Variants in AASS observed in about 807,000 individuals in gnomAD.
AASS encodes the protein alpha-aminoadipic semialdehyde synthase, mitochondrial.
Under a neutral mutation model 105.4 loss-of-function variants are expected in AASS, and 86 were observed. That is an observed-to-expected ratio of 0.82 (90% CI 0.69 to 0.98). The LOEUF is 0.98. AASS is among the 50% of genes least tolerant of loss of function. The pLI is 0.00. For synonymous variants in AASS, 381 were observed against 394.8 expected (o/e 0.96, Z 0.41); for missense variants, 1,048 against 1,143.2 (o/e 0.92, Z 1.20).
intron 11 of AASS, among the ~76,000 whole-genome samples, chr7:122,109,324 A>G (rs2150530666): frequency 2.0e-5 from 3 of 152,140 alleles, no homozygotes; most frequent in Admixed American, 2.0e-4. Context: ...TGAAATCACA[A>G]AAGACCCCAA....
intron 18 of AASS, among the ~76,000 whole-genome samples, chr7:122,089,200 G>C (rs80265131): frequency 0.012 from 1,866 of 152,160 alleles, 19 homozygotes; most frequent in Non-Finnish European, 0.019. Flanking sequence ...CAACAATCTG[G>C]CTTGAGAAAC....
Position 122,115,151 on chromosome 7 carries a change from G to C in AASS, c.966C>G (p.Arg322=), listed in dbSNP as rs1235192555. ...WEQNTPRLLT[R]QDAQSLLAPG... ...GAGCCAGGAGACTCTGAGCATCTTG[G>C]CGGGTTAGGAGGCGAGGAGTGTTTT... is the stretch of plus-strand genomic sequence containing the variant. The change falls in exon 9 of 24, where the codon CGC becomes CGG. Residue 322 remains arginine, a synonymous_variant. Coordinates refer to ENST00000417368, the MANE Select transcript of AASS (RefSeq NM_005763.4). The C allele has an allele frequency of 6.2e-7, 1 of 1,614,164 alleles. No individual in the cohort carries two copies. Among genetic ancestry groups the C allele is most frequent in the Non-Finnish European group, 8.5e-7 (1 of 1,180,036 alleles).
chr7:122,120,506 G>A (rs1221602954), intron 4 of AASS, among the ~76,000 whole-genome samples: 2 of 151,824 alleles, frequency 1.3e-5, no homozygotes, highest in African/African-American at 4.8e-5. Flanking sequence ...CAGAGAACCA[G>A]GTTTTGGTTT....
At chr7:122,117,634 TTATC>T (rs1364939268) in intron 6 of AASS, among the ~76,000 whole-genome samples, 2 of 149,708 alleles carry the variant, frequency 1.3e-5, no homozygotes, top group Non-Finnish European at 3.0e-5. Context: ...ATTTATTTAT[TTATC>T]TATTTATTTA....
At chr7:122,129,999 A>C (rs957063124) in intron 2 of AASS, among the ~76,000 whole-genome samples, 3 of 152,098 alleles carry the variant, frequency 2.0e-5, no homozygotes, top group African/African-American at 7.2e-5. Flanking sequence ...TCCGTGCTAG[A>C]GATGAGATGC....
chr7:122,088,923 G>C (rs907233768), intron 18 of AASS, among the ~76,000 whole-genome samples: 1 of 152,028 alleles, frequency 6.6e-6, no homozygotes, highest in African/African-American at 2.4e-5. Flanking sequence ...AAGAAAATCA[G>C]AATTGTTAGG....
At chr7:122,117,077 C>T (rs1795217724) in intron 6 of AASS, 120 bp from the exon 7 acceptor site, 2 of 877,972 alleles carry the variant, frequency 2.3e-6, no homozygotes, top group Non-Finnish European at 3.7e-6. Flanking sequence ...TCCCTACAAC[C>T]AGGACTGCAA....
At chr7:122,095,933 T>C (rs73442830) in intron 15 of AASS, among the ~76,000 whole-genome samples, 144 of 152,260 alleles carry the variant, frequency 9.5e-4, no homozygotes, top group African/African-American at 3.3e-3. Flanking sequence ...GATCTAATAA[T>C]ATTTTAAAAC....
chr7:122,086,393 A>G (rs1793627117), intron 18 of AASS, among the ~76,000 whole-genome samples: 1 of 152,070 alleles, frequency 6.6e-6, no homozygotes, highest in Non-Finnish European at 1.5e-5. Context: ...TGACTTTAAA[A>G]CATTTAGTTT....
intron 3 of AASS, 131 bp from the exon 4 acceptor site, chr7:122,126,590 C>A: frequency 7.8e-6 from 6 of 772,220 alleles, no homozygotes; most frequent in South Asian, 7.1e-5. Flanking sequence ...ACAGAAGCTA[C>A]CATCAGGTAT....
intron 18 of AASS, among the ~76,000 whole-genome samples, chr7:122,088,026 C>G (rs1270795296): frequency 6.6e-6 from 1 of 152,088 alleles, no homozygotes; most frequent in Non-Finnish European, 1.5e-5. Flanking sequence ...AGTTGTATTT[C>G]TAGTGGTATA....
chr7:122,129,574 A>C (rs1795813646), intron 2 of AASS, 37 bp from the exon 3 acceptor site: 1 of 1,594,320 alleles, frequency 6.3e-7, no homozygotes, highest in Non-Finnish European at 8.6e-7. Context: ...TATTATCCTG[A>C]TTTGTAATAT....
chr7:122,137,361 T>C (rs1245848285), intron 1 of AASS, among the ~76,000 whole-genome samples: 1 of 152,158 alleles, frequency 6.6e-6, no homozygotes, highest in Non-Finnish European at 1.5e-5. Context: ...TCACACCATA[T>C]AGATCCAACA....
chr7:122,104,928 TA>T (rs1794597801), intron 11 of AASS, among the ~76,000 whole-genome samples: 2 of 150,870 alleles, frequency 1.3e-5, no homozygotes, highest in South Asian at 4.2e-4. Context: ...GAACCTAAAA[TA>T]AAAGTTGCAA....
intron 2 of AASS, among the ~76,000 whole-genome samples, chr7:122,132,619 C>T (rs1010697719): frequency 8.5e-5 from 13 of 152,116 alleles, no homozygotes; most frequent in Admixed American, 5.9e-4. Context: ...ATGTTTTGTG[C>T]CTTTGATGTG....
intron 20 of AASS, among the ~76,000 whole-genome samples, chr7:122,080,541 C>G (rs1415581387): frequency 6.6e-6 from 1 of 152,058 alleles, no homozygotes; most frequent in Non-Finnish European, 1.5e-5. Context: ...TCCTACCCAA[C>G]AAGTAAGTTT....
chr7:122,138,046 C>A (rs556701492), intron 1 of AASS, among the ~76,000 whole-genome samples: 1 of 152,170 alleles, frequency 6.6e-6, no homozygotes, highest in South Asian at 2.1e-4. Flanking sequence ...GGTACAAGAC[C>A]CTTCCTCTGA....
intron 13 of AASS, among the ~76,000 whole-genome samples, chr7:122,099,915 T>C (rs1794347318): frequency 6.6e-6 from 1 of 151,894 alleles, no homozygotes. Context: ...TCGGTTATTA[T>C]ATTTTCTGTC....
intron 13 of AASS, 51 bp from the exon 14 acceptor site, chr7:122,098,917 T>C (rs567438251): frequency 1.4e-6 from 2 of 1,455,488 alleles, no homozygotes; most frequent in South Asian, 2.8e-5. Context: ...TAATTAAAAA[T>C]TTTTTTTTAA....
Sources: allele counts gnomAD v4.1 joint callset (sites outside exome capture counted in the v4.1 genomes callset), GRCh38; gene constraint gnomAD v4.1.1; transcripts MANE v1.5; gene names NCBI Gene and HGNC (gene_info 2026-07-23, HGNC 2026-07-21).